Variants in GRM7 observed in about 807,000 individuals in gnomAD.
GRM7 encodes the protein glutamate metabotropic receptor 7.
Under a neutral mutation model 84.5 loss-of-function variants are expected in GRM7, and 35 were observed. The ratio of observed to expected loss-of-function variants is 0.41; its 90% confidence interval spans 0.32 to 0.55. The LOEUF is 0.55. Among genes scored for constraint, GRM7 ranks in the 20% least tolerant of loss-of-function variants. GRM7 has a pLI of 0.19. For synonymous variants in GRM7, 487 were observed against 455.1 expected (o/e 1.07, Z -0.89); for missense variants, 1,003 against 1,194.6 (o/e 0.84, Z 2.36).
chr3:7,074,438 G>T lies in GRM7; in HGVS notation c.520-72014G>T, dbSNP rs1489223771. Among the ~76,000 whole-genome samples, 8 of 152,260 alleles carry T rather than the reference G, an allele frequency of 5.3e-5. No individual in the cohort carries two copies. The South Asian group carries it at 1.0e-3, about 20-fold the overall frequency. On this transcript the variant is annotated intron_variant, in intron 1 of 9. Transcript: ENST00000357716. ...CTCTCAGAAGACGTGTGGTATAGAA[G>T]GGCATTACTTAAAGTGTGGTCCATG...
chr3:7,261,080 A>G (rs1698404384), intron 2 of GRM7, among the ~76,000 whole-genome samples: 1 of 151,934 alleles, frequency 6.6e-6, no homozygotes, highest in African/African-American at 2.4e-5. Flanking sequence ...GGCTGTGTCT[A>G]GTTGGCCAGC....
At chr3:7,616,736 GA>G (rs1197871722) in intron 8 of GRM7, among the ~76,000 whole-genome samples, 1 of 152,000 alleles carries the variant, frequency 6.6e-6, no homozygotes, top group African/African-American at 2.4e-5. Context: ...GATCACAATG[GA>G]AAATCCTAAA....
chr3:7,103,749 CCTTTCTTTCTTTCTTTCTTT>C (rs55840104), intron 1 of GRM7, among the ~76,000 whole-genome samples: 1,958 of 96,684 alleles, frequency 0.02, 39 homozygotes, highest in Non-Finnish European at 0.022. Context: ...TCTCTCTCTC[CCTTTCTTTCTTTCTTTCTTT>C]CTTTCTTTCT....
chr3:7,543,625 T>C (rs1375633764), intron 7 of GRM7, among the ~76,000 whole-genome samples: 2 of 152,240 alleles, frequency 1.3e-5, no homozygotes, highest in Admixed American at 6.5e-5. Context: ...CGGCAGTCCA[T>C]GAACTGGGAA....
At chr3:7,244,922 G>A (rs1456393515) in intron 2 of GRM7, among the ~76,000 whole-genome samples, 2 of 151,924 alleles carry the variant, frequency 1.3e-5, no homozygotes, top group African/African-American at 4.8e-5. Context: ...AGAACTTACA[G>A]GGAAAGAAAG....
chr3:7,142,113 A>T (rs1693963828), intron 1 of GRM7, among the ~76,000 whole-genome samples: 1 of 152,054 alleles, frequency 6.6e-6, no homozygotes, highest in Non-Finnish European at 1.5e-5. Flanking sequence ...TTAACAATGA[A>T]TGTTAGGCTT....
intron 4 of GRM7, among the ~76,000 whole-genome samples, chr3:7,317,539 C>T (rs1162585893): frequency 6.6e-6 from 1 of 151,994 alleles, no homozygotes; most frequent in African/African-American, 2.4e-5. Flanking sequence ...GTCCTATAAT[C>T]GCCACCAATT....
At position 7,488,957 on chromosome 3, in the gene GRM7, A is replaced by G. The variant is rs542310327; in HGVS notation, c.1515+27235A>G. ...TTTTTACATAGATGGTGACAGGGTG[A>G]TAGATGTCACTAATACCAACACCGT... On this transcript the variant is annotated intron_variant, in intron 7 of 9. Coordinates refer to ENST00000357716, the MANE Select transcript of GRM7 (RefSeq NM_000844.4). 1.6e-4 allele frequency among the ~76,000 whole-genome samples: 24 copies of G among 152,188 alleles called. No homozygotes were observed. In the East Asian group the frequency reaches 4.6e-3, roughly 29 times the overall value.
chr3:7,119,044 C>T (rs1030122344), intron 1 of GRM7, among the ~76,000 whole-genome samples: 1 of 152,078 alleles, frequency 6.6e-6, no homozygotes, highest in Non-Finnish European at 1.5e-5. Flanking sequence ...AACAAATTTC[C>T]TACAGAATTC....
intron 2 of GRM7, among the ~76,000 whole-genome samples, chr3:7,220,875 A>G (rs1265687582): frequency 1.3e-5 from 2 of 152,102 alleles, no homozygotes; most frequent in African/African-American, 4.8e-5. Flanking sequence ...GCCTCATTGC[A>G]TGAGCTCAGG....
rs745596967 is a variant in GRM7 at position 7,146,632 on chromosome 3, G to A, written c.700G>A (p.Gly234Ser). The A allele has an allele frequency of 6.2e-7, 1 of 1,613,796 alleles. No homozygotes were observed. ...LASEGSYGEK[G>S]VESFTQISKE... is the part of the protein sequence containing the mutation. The stretch of plus-strand genomic sequence containing the variant: ...ATCGGAAGGAAGTTATGGAGAGAAA[G>A]GTGTGGAGTCCTTCACGCAGATTTC... The change falls in exon 2 of 10, where the codon GGT becomes AGT. Residue 234 changes from glycine (G) to serine (S), a missense_variant. Gly to Ser is a moderately conservative substitution (Grantham distance 56, BLOSUM62 0). Coordinates refer to ENST00000357716, the MANE Select transcript of GRM7 (RefSeq NM_000844.4).
intron 7 of GRM7, among the ~76,000 whole-genome samples, chr3:7,505,502 C>T (rs185993153): frequency 2.6e-5 from 4 of 152,298 alleles, no homozygotes; most frequent in Middle Eastern, 3.4e-3. Context: ...GACAAACCAC[C>T]GTGTGGTCTA....
At chr3:7,440,709 A>G (rs981687453) in intron 5 of GRM7, among the ~76,000 whole-genome samples, 1 of 152,100 alleles carries the variant, frequency 6.6e-6, no homozygotes, top group African/African-American at 2.4e-5. Context: ...TGTGTGCTCA[A>G]TGTGTAGCTC....
chr3:7,625,278 T>A (rs1381153967), intron 8 of GRM7, among the ~76,000 whole-genome samples: 1 of 152,012 alleles, frequency 6.6e-6, no homozygotes, highest in Non-Finnish European at 1.5e-5. Flanking sequence ...TTCAAAGCAG[T>A]AACAAACAAG....
At chr3:6,869,743 A>T (rs1695057066) in intron 1 of GRM7, among the ~76,000 whole-genome samples, 1 of 152,190 alleles carries the variant, frequency 6.6e-6, no homozygotes, top group African/African-American at 2.4e-5. Flanking sequence ...TTTTTATGGA[A>T]CTGATTAAAG....
intron 7 of GRM7, among the ~76,000 whole-genome samples, chr3:7,492,457 G>C (rs1278594325): frequency 6.6e-6 from 1 of 152,034 alleles, no homozygotes; most frequent in African/African-American, 2.4e-5. Context: ...CAGGGAATTG[G>C]TGTGTTTCTT....
intron 2 of GRM7, among the ~76,000 whole-genome samples, chr3:7,216,295 C>T (rs1445147833): frequency 6.6e-6 from 1 of 152,086 alleles, no homozygotes; most frequent in Non-Finnish European, 1.5e-5. Flanking sequence ...TCATTAGCAT[C>T]ATGTTGGTAT....
chr3:7,594,625 C>T (rs1006007249), intron 8 of GRM7, among the ~76,000 whole-genome samples: 12 of 152,070 alleles, frequency 7.9e-5, no homozygotes, highest in Admixed American at 6.6e-4. Flanking sequence ...CCTGTCTTCC[C>T]GACAGGCCTC....
chr3:7,696,314 C>A (rs1701017822), intron 9 of GRM7, among the ~76,000 whole-genome samples: 1 of 152,120 alleles, frequency 6.6e-6, no homozygotes, highest in Admixed American at 6.5e-5. Flanking sequence ...TTCCCCAATT[C>A]CTTTCACAAG....
Sources: allele counts gnomAD v4.1 joint callset (sites outside exome capture counted in the v4.1 genomes callset), GRCh38; gene constraint gnomAD v4.1.1; transcripts MANE v1.5; gene names NCBI Gene and HGNC (gene_info 2026-07-23, HGNC 2026-07-21).